The following POLR3B variants were observed in gnomAD, a reference collection of about 807,000 sequenced individuals.
POLR3B encodes the protein DNA-directed RNA polymerase III subunit RPC2.
A neutral mutation model predicts 147.4 loss-of-function variants in POLR3B; 96 were observed. The ratio of observed to expected loss-of-function variants is 0.65; its 90% CI spans 0.55 to 0.77. The LOEUF is 0.77. Among genes scored for constraint, POLR3B ranks in the 30% least tolerant of loss-of-function variants. The pLI, the probability that POLR3B is intolerant of heterozygous loss-of-function variation, is 0.00. For missense variants in POLR3B, 1,036 were observed against 1,413.5 expected (o/e 0.73, Z 4.28); for synonymous variants, 461 against 485.9 (o/e 0.95, Z 0.67).
chr12:106,445,357 A>G (rs2037708054), intron 19 of POLR3B, among the ~76,000 whole-genome samples: 1 of 152,196 alleles, frequency 6.6e-6, no homozygotes, highest in Admixed American at 6.5e-5. Context: ...GAGGAGGAAG[A>G]TCACTTAAAG....
intron 9 of POLR3B, among the ~76,000 whole-genome samples, chr12:106,389,833 A>G (rs1202790540): frequency 1.3e-5 from 2 of 152,238 alleles, no homozygotes; most frequent in African/African-American, 2.4e-5. Flanking sequence ...ATTTGAGGCT[A>G]TAGTATGCAC....
At chr12:106,486,342 G>A (rs1185317509) in intron 23 of POLR3B, among the ~76,000 whole-genome samples, 1 of 150,962 alleles carries the variant, frequency 6.6e-6, no homozygotes, top group African/African-American at 2.4e-5. Context: ...GTTCAGGGGA[G>A]GTGAGTAGCA....
At chr12:106,482,906 T>A (rs996016242) in intron 23 of POLR3B, among the ~76,000 whole-genome samples, 1 of 152,182 alleles carries the variant, frequency 6.6e-6, no homozygotes, top group African/African-American at 2.4e-5. Context: ...AGAATAAGTG[T>A]AATTTATTCT....
chr12:106,422,829 A>C (rs1335403104), intron 12 of POLR3B, among the ~76,000 whole-genome samples: 1 of 151,992 alleles, frequency 6.6e-6, no homozygotes, highest in Non-Finnish European at 1.5e-5. Context: ...TATTTTGTCA[A>C]TTTTCATCAA....
At position 106,410,918 on chromosome 12, in the gene POLR3B, C is replaced by CA. The variant is rs766754661; in HGVS notation, c.1060dup (p.Arg354LysfsTer6). ...CCCAAGGAGATAATAAAGTTGACGA[C>CA]AGAGATTATTATGGTAACAAGCGAC... is the stretch of plus-strand genomic sequence containing the variant. On this transcript the variant is annotated frameshift_variant, in exon 12 of 28. Transcript: ENST00000228347. LOFTEE classifies it high-confidence loss of function. The CA allele has an allele frequency of 6.2e-7, 1 of 1,613,336 alleles. No homozygotes were observed. The highest frequency in any genetic ancestry group is 2.2e-5 in the East Asian group (1 of 44,854).
chr12:106,505,985 G>A (rs969085647), intron 27 of POLR3B, among the ~76,000 whole-genome samples: 3 of 152,218 alleles, frequency 2.0e-5, no homozygotes, highest in African/African-American at 4.8e-5. Flanking sequence ...ACTCTCGTCT[G>A]TAAGGAGATC....
Position 106,369,688 on chromosome 12 carries a change from G to C in POLR3B, c.404+5G>C, listed in dbSNP as rs1255652001. On this transcript the variant is annotated splice_donor_5th_base_variant and intron_variant, in intron 6 of 27. Transcript: ENST00000228347. ...CAATGCCTTACCTATCGGCAGGTGAGAAATGAAATCCGTATTAGAGCCACA... is the reference window on the plus strand; with the variant it reads ...CAATGCCTTACCTATCGGCAGGTGACAAATGAAATCCGTATTAGAGCCACA... The C allele has an allele frequency of 6.3e-7, 1 of 1,578,192 alleles. No individual in the cohort carries two copies. Among genetic ancestry groups the C allele is most frequent in the East Asian group, 2.2e-5 (1 of 44,716 alleles).
rs149990218 is a variant in POLR3B at position 106,509,550 on chromosome 12, G to C, written c.*1G>C. 6.2e-7 allele frequency: 1 copy of C among 1,611,078 alleles called. No homozygotes were observed. Among genetic ancestry groups the C allele is most frequent in the African/African-American group, 1.3e-5 (1 of 74,844 alleles). ...AAAACTGTCCAAGTACAATGAATGA[G>C]GATGGAAAAAATGATTATTAAAGAG... is the stretch of plus-strand genomic sequence containing the variant. On this transcript the variant is annotated 3_prime_UTR_variant, in exon 28 of 28. Transcript: ENST00000228347.
chr12:106,471,222 G>A (rs1364101380), intron 23 of POLR3B, among the ~76,000 whole-genome samples: 2 of 152,192 alleles, frequency 1.3e-5, no homozygotes, highest in African/African-American at 2.4e-5. Context: ...ATCTCAGACT[G>A]CTGCGCTAAC....
At chr12:106,425,233 G>T (rs2037420421) in intron 12 of POLR3B, among the ~76,000 whole-genome samples, 1 of 152,100 alleles carries the variant, frequency 6.6e-6, no homozygotes, top group East Asian at 1.9e-4. Context: ...CCTCCCTGTG[G>T]TATCTGGCCC....
intron 23 of POLR3B, among the ~76,000 whole-genome samples, chr12:106,490,797 T>A (rs1231488802): frequency 1.3e-5 from 2 of 152,218 alleles, no homozygotes; most frequent in Non-Finnish European, 2.9e-5. Flanking sequence ...ATGAGTTTAC[T>A]CAAAGCAAAC....
intron 19 of POLR3B, among the ~76,000 whole-genome samples, chr12:106,451,661 GA>G (rs2037799357): frequency 6.8e-6 from 1 of 146,038 alleles, no homozygotes; most frequent in African/African-American, 2.5e-5. Context: ...GAGGGAAGGA[GA>G]GGGGAGGAAA....
intron 23 of POLR3B, among the ~76,000 whole-genome samples, chr12:106,488,852 A>T (rs1397967689): frequency 1.3e-5 from 2 of 152,006 alleles, no homozygotes; most frequent in Non-Finnish European, 2.9e-5. Context: ...TACTCCTTTT[A>T]AAAAAAATCT....
intron 23 of POLR3B, among the ~76,000 whole-genome samples, chr12:106,464,472 G>C (rs2037980471): frequency 6.6e-6 from 1 of 152,130 alleles, no homozygotes; most frequent in Admixed American, 6.6e-5. Flanking sequence ...AAGATTAATA[G>C]CTTGCCCAAG....
chr12:106,365,788 G>A (rs988797666), intron 2 of POLR3B, among the ~76,000 whole-genome samples: 1 of 151,842 alleles, frequency 6.6e-6, no homozygotes, highest in African/African-American at 2.4e-5. Context: ...GATGCAGGGA[G>A]GCGGACGTTG....
intron 9 of POLR3B, among the ~76,000 whole-genome samples, chr12:106,382,272 G>C (rs1405469265): frequency 1.3e-5 from 2 of 152,096 alleles, no homozygotes; most frequent in African/African-American, 4.8e-5. Context: ...GACAACCCTA[G>C]TCCTAAGGTT....
intron 1 of POLR3B, among the ~76,000 whole-genome samples, chr12:106,361,737 A>G (rs1314139874): frequency 2.0e-5 from 3 of 152,186 alleles, no homozygotes; most frequent in African/African-American, 7.2e-5. Context: ...GAGAAAAGAC[A>G]TCGCCAGGGA....
chr12:106,479,297 TCAA>T (rs2038228115), intron 23 of POLR3B, among the ~76,000 whole-genome samples: 2 of 152,054 alleles, frequency 1.3e-5, no homozygotes, highest in Non-Finnish European at 2.9e-5. Flanking sequence ...GGAGATTTGA[TCAA>T]CGTTATTTTT....
chr12:106,384,809 T>G, intron 9 of POLR3B, among the ~76,000 whole-genome samples: 1 of 151,914 alleles, frequency 6.6e-6, no homozygotes, highest in East Asian at 1.9e-4. Context: ...CAAAGTTAAC[T>G]AATCGATATA....
Sources: allele counts gnomAD v4.1 joint callset (sites outside exome capture counted in the v4.1 genomes callset), GRCh38; gene constraint gnomAD v4.1.1; transcripts MANE v1.5; gene names NCBI Gene and HGNC (gene_info 2026-07-23, HGNC 2026-07-21).